Variants in ANKMY1 observed in about 807,000 individuals in gnomAD.
ANKMY1 encodes ankyrin repeat and MYND domain-containing protein 1.
ANKMY1 carries 98 observed loss-of-function variants against 102.0 expected under a neutral mutation model. The ratio of observed to expected loss-of-function variants is 0.96; its 90% CI spans 0.82 to 1.14. The LOEUF (loss-of-function observed/expected upper bound fraction) is 1.14, where lower values mean the gene tolerates loss of function less well. ANKMY1 is among the 50% of genes most tolerant of loss of function. The pLI is 0.00. For synonymous variants in ANKMY1, 582 were observed against 559.9 expected, an observed-to-expected ratio of 1.04 and a Z score of -0.56; for missense variants, 1,330 against 1,347.6, an observed-to-expected ratio of 0.99 and a Z score of 0.20.
At chr2:240,490,676 A>T (rs1201358132) in intron 15 of ANKMY1, among the ~76,000 whole-genome samples, 1 of 152,152 alleles carries the variant, frequency 6.6e-6, no homozygotes, top group African/African-American at 2.4e-5. Flanking sequence ...ATTTTACTCC[A>T]TTGTGATCTG....
intron 4 of ANKMY1, among the ~76,000 whole-genome samples, chr2:240,543,975 T>C (rs1367015432): frequency 6.6e-6 from 1 of 152,260 alleles, no homozygotes; most frequent in East Asian, 1.9e-4. Context: ...AAAGTTGTAG[T>C]TAATTATAAT....
chr2:240,472,909 G>A, the ANKMY1 span, among the ~76,000 whole-genome samples: 1 of 152,170 alleles, frequency 6.6e-6, no homozygotes, highest in African/African-American at 2.4e-5. Context: ...TAGGTTGCTT[G>A]AGGTCAGGAG....
rs888759488 is a variant in ANKMY1, at chr2:240,520,016, G to T, written c.2004+346C>A. The T allele has an allele frequency of 1.3e-4, 66 of 517,204 alleles. No homozygotes were observed. The highest frequency in any genetic ancestry group is 2.9e-4 in the South Asian group (19 of 64,792). The allele number at this position is 517,204 out of a possible 1,614,324, so 32.0% of individuals were successfully genotyped here. On this transcript the variant is annotated intron_variant, in intron 9 of 17. Transcript: ENST00000401804. The surrounding 1 kb of genome is among the most constrained non-coding windows in gnomAD (Gnocchi z 4.8). The stretch of plus-strand genomic sequence containing the variant: ...CCTGCCTGCGTCCTTGTGATGCTGA[G>T]CGTGGGTTGAAAGGAGGCCCGCCTC...
At chr2:240,560,996 G>C (rs761424683), upstream of ANKMY1, 5 of 1,543,312 alleles carry the variant, frequency 3.2e-6, no homozygotes, top group Non-Finnish European at 4.3e-6. Flanking sequence ...TCTACTGCAA[G>C]AACGGCCGCA....
rs1239435128 is a variant in ANKMY1, at chr2:240,552,988, T to G, written c.406A>C (p.Ser136Arg). 3 of 1,613,892 alleles carry G rather than the reference T, an allele frequency of 1.9e-6. No individual in the cohort carries two copies. The African/African-American group carries it at 4.0e-5, about 22-fold the overall frequency. The change falls in exon 4 of 18, where the codon AGT (serine) becomes CGT (arginine). Residue 136 changes from serine to arginine, a missense_variant. Coordinates refer to ENST00000401804, the MANE Select transcript of ANKMY1 (RefSeq NM_001282771.3). ...LGTYMWPDGS[S>R]FTGTFYLSHR... ...CTGAGGTAAAATGTGCCCGTGAAACTGGAGCCATCTGGCCACATGTAGGTA... is the reference window on the plus strand; with the variant it reads ...CTGAGGTAAAATGTGCCCGTGAAACGGGAGCCATCTGGCCACATGTAGGTA...
At chr2:240,473,455 T>G in the ANKMY1 span, among the ~76,000 whole-genome samples, 20 of 138,264 alleles carry the variant, frequency 1.4e-4, no homozygotes, top group Non-Finnish European at 2.9e-4. Flanking sequence ...TGAAGACAAA[T>G]TATTTAAAAC....
At position 240,480,940 on chromosome 2, in the gene ANKMY1, T is replaced by C; in HGVS notation, c.3043A>G (p.Ile1015Val). 4 of 1,605,672 alleles carry C rather than the reference T, an allele frequency of 2.5e-6. No individual in the cohort carries two copies. The highest frequency in any genetic ancestry group is 3.4e-6 in the Non-Finnish European group (4 of 1,173,168). ...CCCAGCCTGAGGGCCGACCTACCGA[T>C]GGCCACCAGGTCCCCGCAGTCCTTC... ...HKKDCGDLVA[I>V]VTQLEQVSRR... Residue 1015 changes from isoleucine (I) to valine (V), a missense_variant, in exon 17 of 18, where the codon ATC (isoleucine) becomes GTC (valine). Physicochemically the swap from Ile to Val is conservative, Grantham distance 29 (BLOSUM62 3). Coordinates refer to ENST00000401804, the MANE Select transcript of ANKMY1 (RefSeq NM_001282771.3).
intron 4 of ANKMY1, among the ~76,000 whole-genome samples, chr2:240,543,557 T>C (rs1393292963): frequency 1.3e-5 from 2 of 152,254 alleles, no homozygotes; most frequent in East Asian, 3.9e-4. Flanking sequence ...AATTTAATGT[T>C]GTTACTTTAA....
chr2:240,509,245 A>ATAGC (rs2152144211), intron 12 of ANKMY1, 103 bp downstream of exon 12: 1 of 985,688 alleles, frequency 1.0e-6, no homozygotes, highest in Non-Finnish European at 1.5e-6. Context: ...GGATGGATGG[A>ATAGC]TAAATGGCCA....
At chr2:240,541,714 G>A (rs1302283139) in intron 4 of ANKMY1, among the ~76,000 whole-genome samples, 2 of 151,852 alleles carry the variant, frequency 1.3e-5, no homozygotes, top group South Asian at 2.1e-4. Context: ...ATGTTAGCCA[G>A]GATGATCTTG....
intron 11 of ANKMY1, among the ~76,000 whole-genome samples, chr2:240,511,376 C>T (rs2080149846): frequency 6.6e-6 from 1 of 152,264 alleles, no homozygotes; most frequent in African/African-American, 2.4e-5. Context: ...CTCAGTTTCC[C>T]CGCATCCACC....
Position 240,481,079 on chromosome 2 carries a change from G to T in ANKMY1, c.2904C>A (p.Phe968Leu). Residue 968 changes from phenylalanine (F) to leucine (L), a missense_variant, in exon 17 of 18, where the codon TTC becomes TTA. Phe to Leu is a conservative substitution (Grantham distance 22, BLOSUM62 0). Coordinates refer to ENST00000401804, the MANE Select transcript of ANKMY1 (RefSeq NM_001282771.3). ...KEQGQIPFFK[F>L]CYQCGRSIGV... is the part of the protein sequence containing the mutation. Reference sequence around the variant, plus strand: ...CGATGGAGCGGCCACACTGGTAGCAGAACTTGAAGAAGGGAATTCTGCAAC... The same window carrying T: ...CGATGGAGCGGCCACACTGGTAGCATAACTTGAAGAAGGGAATTCTGCAAC... The T allele has an allele frequency of 6.2e-7, 1 of 1,610,648 alleles. No homozygotes were observed. Among genetic ancestry groups the T allele is most frequent in the South Asian group, 1.1e-5 (1 of 91,006 alleles).
Position 240,519,318 on chromosome 2 carries a change from T to C in ANKMY1, c.2004+1044A>G, listed in dbSNP as rs139996233. ...AATTAGAGAAATGATTGTAGGGTCC[T>C]TCAAAATACAAAGAGAAAGAATGAC... is the stretch of plus-strand genomic sequence containing the variant. On this transcript the variant is annotated intron_variant, in intron 9 of 17. Transcript: ENST00000401804. Among the ~76,000 whole-genome samples the C allele has an allele frequency of 9.1e-3, 1,388 of 152,294 alleles. 10 individuals carry two copies. Among genetic ancestry groups the C allele is most frequent in the African/African-American group, 0.032 (1,313 of 41,546 alleles).
intron 4 of ANKMY1, among the ~76,000 whole-genome samples, chr2:240,541,827 G>A (rs2088921727): frequency 6.6e-6 from 1 of 152,076 alleles, no homozygotes. Flanking sequence ...AGCAGGGTTG[G>A]GCCAGATTAG....
intron 15 of ANKMY1, among the ~76,000 whole-genome samples, chr2:240,486,514 A>G (rs1172450772): frequency 6.6e-6 from 1 of 152,180 alleles, no homozygotes; most frequent in Non-Finnish European, 1.5e-5. Flanking sequence ...CTTTCAAAAT[A>G]CCTTTAGTAT....
intron 15 of ANKMY1, among the ~76,000 whole-genome samples, chr2:240,490,585 T>C (rs914948455): frequency 6.6e-6 from 1 of 152,206 alleles, no homozygotes; most frequent in Non-Finnish European, 1.5e-5. Flanking sequence ...TAGTTGTATA[T>C]ATTTGTATAG....
chr2:240,493,613 G>A (rs1259390259), intron 15 of ANKMY1, among the ~76,000 whole-genome samples: 2 of 152,050 alleles, frequency 1.3e-5, no homozygotes, highest in Non-Finnish European at 2.9e-5. Context: ...CAAAGCATTG[G>A]TAGTATCTGT....
chr2:240,556,068 G>A (rs2092314009), intron 2 of ANKMY1, among the ~76,000 whole-genome samples: 1 of 152,180 alleles, frequency 6.6e-6, no homozygotes, highest in Admixed American at 6.5e-5. Flanking sequence ...CCACATGGTA[G>A]TGAGAGAGGA....
chr2:240,545,769 G>A (rs1360242219), intron 4 of ANKMY1, among the ~76,000 whole-genome samples: 1 of 152,152 alleles, frequency 6.6e-6, no homozygotes, highest in Non-Finnish European at 1.5e-5. Flanking sequence ...AGCGATGGAA[G>A]ATGAAGTGAA....
Sources: allele counts gnomAD v4.1 joint callset (sites outside exome capture counted in the v4.1 genomes callset), GRCh38; gene constraint gnomAD v4.1.1; non-coding constraint Gnocchi (gnomAD v3.1); transcripts MANE v1.5; gene names NCBI Gene and HGNC (gene_info 2026-07-23, HGNC 2026-07-21).